Variants in TKFC observed in about 807,000 individuals in gnomAD.
TKFC encodes triokinase/FMN cyclase.
In TKFC, 46 loss-of-function variants were observed where a neutral mutation model predicts 61.0. The observed-to-expected ratio is 0.75, with a 90% CI of 0.60 to 0.96. The LOEUF (loss-of-function observed/expected upper bound fraction) is 0.96, where lower values mean the gene tolerates loss of function less well. Among genes scored for constraint, TKFC ranks in the 50% least tolerant of loss-of-function variants. The pLI is 0.00. For missense variants in TKFC, 715 were observed against 777.5 expected, an observed-to-expected ratio of 0.92 and a Z score of 0.96; for synonymous variants, 314 against 330.1, an observed-to-expected ratio of 0.95 and a Z score of 0.53.
chr11:61,341,414 T>G, intron 5 of TKFC, 22 bp from the exon 6 acceptor site: 1 of 1,551,410 alleles, frequency 6.4e-7, no homozygotes, highest in Non-Finnish European at 8.7e-7. Context: ...CCCCTGGGGC[T>G]TTTACCTCTT....
At position 61,347,775 on chromosome 11, in the gene TKFC, T is replaced by G; in HGVS notation, c.*1272T>G. On this transcript the variant is annotated 3_prime_UTR_variant, in exon 18 of 18. Coordinates refer to ENST00000394900, the MANE Select transcript of TKFC (RefSeq NM_015533.4). Reference sequence around the variant, plus strand: ...CGGCTACAGGAGCTAAGGCCTATTTTTTAGCCCTTTGGGATCTGTAAAATC... The same window carrying G: ...CGGCTACAGGAGCTAAGGCCTATTTGTTAGCCCTTTGGGATCTGTAAAATC... The G allele has an allele frequency of 5.1e-6, 5 of 979,234 alleles. No homozygotes were observed. The highest frequency in any genetic ancestry group is 6.1e-6 in the Non-Finnish European group (5 of 824,394). The allele number at this position is 979,234 out of a possible 1,614,324, so 60.7% of individuals were successfully genotyped here. A position where few individuals can be genotyped will look rare whatever the true frequency, so the allele number is the denominator to read the frequency against.
chr11:61,341,982 C>A, intron 7 of TKFC, 70 bp downstream of exon 7: 1 of 1,433,650 alleles, frequency 7.0e-7, no homozygotes, highest in South Asian at 1.3e-5. Flanking sequence ...CTTGCATACC[C>A]TTAGAGCCAT....
chr11:61,352,414 C>T (rs1240729987), downstream of TKFC: 1 of 155,982 alleles, frequency 6.4e-6, no homozygotes, highest in Non-Finnish European at 1.4e-5. Context: ...GTAATCCCAG[C>T]ACTCTGGGAG....
In TKFC at chr11:61,346,094, G is replaced by A; in HGVS notation, c.1575+148G>A. The A allele has an allele frequency of 8.9e-7, 1 of 1,126,352 alleles. No homozygotes were observed. The highest frequency in any genetic ancestry group is 1.2e-6 in the Non-Finnish European group (1 of 808,208). The allele number at this position is 1,126,352 out of a possible 1,614,324, so 69.8% of individuals were successfully genotyped here. A position where few individuals can be genotyped will look rare whatever the true frequency, so the allele number is the denominator to read the frequency against. ...GAGATGAGCACCTATCTCAGAAGGTGGTTATGTGGCTAAGGAAATATGTAG... is the reference window on the plus strand; with the variant it reads ...GAGATGAGCACCTATCTCAGAAGGTAGTTATGTGGCTAAGGAAATATGTAG... On this transcript the variant is annotated intron_variant, in intron 17 of 17. Transcript: ENST00000394900. The surrounding 1 kb of genome is among the most constrained non-coding windows in gnomAD (Gnocchi z 4.1).
Position 61,341,466 on chromosome 11 carries a change from G to C in TKFC, c.517G>C (p.Gly173Arg). Residue 173 changes from glycine to arginine, a missense_variant, in exon 6 of 18, where the codon GGG becomes CGG. By Grantham distance (125) the Gly-to-Arg change is moderately radical. Transcript: ENST00000394900. ...AGGTGCTCTGGCTGAGGCTGGTGTG[G>C]GGCTGGAGGAGATCGCAAAGCAGGT... is the stretch of plus-strand genomic sequence containing the variant. ...VAGALAEAGVGLEEIAKQVNV... is the reference protein window; with the variant it reads ...VAGALAEAGVRLEEIAKQVNV... The C allele has an allele frequency of 6.4e-7, 1 of 1,554,980 alleles. No homozygotes were observed.
chr11:61,339,738 AG>A (rs941941831), intron 5 of TKFC, among the ~76,000 whole-genome samples: 1 of 152,144 alleles, frequency 6.6e-6, no homozygotes, highest in Non-Finnish European at 1.5e-5. Context: ...GCCTTGGTTC[AG>A]GGGTCATCTA....
chr11:61,345,004 G>T (rs1163708580), intron 13 of TKFC, among the ~76,000 whole-genome samples: 1 of 152,184 alleles, frequency 6.6e-6, no homozygotes, highest in African/African-American at 2.4e-5. Context: ...AAGGGCTAAG[G>T]AGAAAAAAAC....
chr11:61,345,596 G>A (rs1565058340), intron 15 of TKFC, 31 bp downstream of exon 15: 1 of 1,612,074 alleles, frequency 6.2e-7, no homozygotes. Context: ...TCAGACCAGG[G>A]GTGGGCTGGG....
downstream of TKFC, chr11:61,353,345 A>G: frequency 1.5e-6 from 1 of 675,990 alleles, no homozygotes; most frequent in East Asian, 2.8e-5. Flanking sequence ...ATGCTTAGCT[A>G]CCATCCCACT....
chr11:61,351,281 TTTC>T (rs1449894581), downstream of TKFC: 24 of 791,602 alleles, frequency 3.0e-5, no homozygotes, highest in South Asian at 5.2e-5. Flanking sequence ...TTTAACACCC[TTTC>T]TTTTTTTTTT....
chr11:61,346,996 A>G lies in TKFC; in HGVS notation c.*493A>G, dbSNP rs1026403467. The G allele has an allele frequency of 4.1e-6, 4 of 986,884 alleles. No individual in the cohort carries two copies. The highest frequency in any genetic ancestry group is 4.8e-6 in the Non-Finnish European group (4 of 830,912). The allele number at this position is 986,884 out of a possible 1,614,324, so 61.1% of individuals were successfully genotyped here. A position where few individuals can be genotyped will look rare whatever the true frequency, so the allele number is the denominator to read the frequency against. ...GCCCACAGCCCTGGCTGCAGGCATC[A>G]TGACCCATCTTCTACCAGGCAGATC... On this transcript the variant is annotated 3_prime_UTR_variant, in exon 18 of 18. Transcript: ENST00000394900. The surrounding 1 kb of genome is among the most constrained non-coding windows in gnomAD (Gnocchi z 4.1).
downstream of TKFC, chr11:61,351,356 C>G (rs1373788117): frequency 2.4e-6 from 1 of 418,140 alleles, no homozygotes; most frequent in African/African-American, 2.3e-5. Context: ...GTGGCACGAT[C>G]TCGGCTCACT....
At chr11:61,352,935 AC>A, downstream of TKFC, 1 of 1,613,626 alleles carries the variant, frequency 6.2e-7, no homozygotes, top group Non-Finnish European at 8.5e-7. Flanking sequence ...TCTTTTGAAG[AC>A]CCTATTCCCT....
In TKFC at chr11:61,345,531, G is replaced by A. The variant is rs1339330496; in HGVS notation, c.1417G>A (p.Ala473Thr). The change falls in exon 15 of 18, where the codon GCT (alanine) becomes ACT (threonine). Residue 473 changes from alanine (A) to threonine (T), a missense_variant. Physicochemically the swap from Ala to Thr is moderately conservative, Grantham distance 58 (BLOSUM62 0). Coordinates refer to ENST00000394900, the MANE Select transcript of TKFC (RefSeq NM_015533.4). Reference sequence around the variant, plus strand: ...CAAGACCAGCCTCCCAGCCTGGTCTGCTGCCATGGATGCCGGCCTGGAAGC... The same window carrying A: ...CAAGACCAGCCTCCCAGCCTGGTCTACTGCCATGGATGCCGGCCTGGAAGC... ...KAKTSLPAWS[A>T]AMDAGLEAMQ... 1 of 1,613,196 alleles carries A rather than the reference G, an allele frequency of 6.2e-7. No homozygotes were observed. The highest frequency in any genetic ancestry group is 8.5e-7 in the Non-Finnish European group (1 of 1,180,044).
chr11:61,353,162 A>G (rs199942720), downstream of TKFC: 1 of 1,581,896 alleles, frequency 6.3e-7, no homozygotes, highest in African/African-American at 1.4e-5. Flanking sequence ...GGGAGGACAC[A>G]CCCGACTGTG....
intron 7 of TKFC, 70 bp downstream of exon 7, chr11:61,341,982 C>T (rs1856876212): frequency 7.0e-7 from 1 of 1,433,654 alleles, no homozygotes; most frequent in Non-Finnish European, 9.6e-7. Context: ...CTTGCATACC[C>T]TTAGAGCCAT....
In TKFC at chr11:61,342,603, C is replaced by T; in HGVS notation, c.720C>T (p.Leu240=). Reference sequence around the variant, plus strand: ...CAACCGCCGATGAGATTGTGAAACTCATGCTCGACCACATGACAAACACCA... The same window carrying T: ...CAACCGCCGATGAGATTGTGAAACTTATGCTCGACCACATGACAAACACCA... ...KMATADEIVK[L]MLDHMTNTTN... Residue 240 remains leucine, a synonymous_variant, in exon 9 of 18, where the codon CTC becomes CTT. Transcript: ENST00000394900. 1 of 1,614,074 alleles carries T rather than the reference C, an allele frequency of 6.2e-7. No individual in the cohort carries two copies. Among genetic ancestry groups the T allele is most frequent in the Non-Finnish European group, 8.5e-7 (1 of 1,180,032 alleles).
chr11:61,341,520 T>A lies in TKFC; in HGVS notation c.565+6T>A, dbSNP rs780238633. 1 of 1,554,080 alleles carries A rather than the reference T, an allele frequency of 6.4e-7. No homozygotes were observed. Among genetic ancestry groups the A allele is most frequent in the South Asian group, 1.2e-5 (1 of 84,336 alleles). On this transcript the variant is annotated splice_donor_region_variant and intron_variant, in intron 6 of 17. Coordinates refer to ENST00000394900, the MANE Select transcript of TKFC (RefSeq NM_015533.4). Reference sequence around the variant, plus strand: ...CGTGGTCGCCAAGGCCATGGGTGAGTGCTGGCCTGGGAGCTGGGGAAGAGA... The same window carrying A: ...CGTGGTCGCCAAGGCCATGGGTGAGAGCTGGCCTGGGAGCTGGGGAAGAGA...
chr11:61,337,536 C>T (rs188473779), intron 2 of TKFC, among the ~76,000 whole-genome samples: 142 of 152,266 alleles, frequency 9.3e-4, no homozygotes, highest in African/African-American at 3.1e-3. Flanking sequence ...CAGGGAGCAG[C>T]GGTGGCTGTG....
Sources: gnomAD v4.1 joint callset for allele counts (sites outside exome capture counted in the v4.1 genomes callset) on GRCh38, gnomAD v4.1.1 for gene constraint, Gnocchi (gnomAD v3.1) non-coding constraint, MANE v1.5 for transcripts, NCBI Gene and HGNC (gene_info 2026-07-23, HGNC 2026-07-21) for gene names.